Variants in RNF212 observed in about 807,000 individuals in gnomAD.
The protein encoded by RNF212 is probable E3 SUMO-protein ligase RNF212.
A neutral mutation model predicts 34.7 loss-of-function variants in RNF212; 33 were observed. The ratio of observed to expected loss-of-function variants is 0.95; its 90% CI spans 0.72 to 1.27. The LOEUF is 1.27. Ranked by LOEUF, RNF212 falls within the 50% of genes most tolerant of loss-of-function variation. The pLI is 0.00. For missense variants in RNF212, 377 were observed against 362.2 expected, an observed-to-expected ratio of 1.04 and a Z score of -0.33; for synonymous variants, 140 against 136.1, an observed-to-expected ratio of 1.03 and a Z score of -0.20.
intron 3 of RNF212, among the ~76,000 whole-genome samples, chr4:1,092,831 G>A (rs925117906): frequency 5.3e-5 from 8 of 152,246 alleles, no homozygotes; most frequent in Non-Finnish European, 8.8e-5. Context: ...GCAGTCGGGG[G>A]AGAATGCAGG....
chr4:1,081,753 G>A, intron 5 of RNF212, 134 bp from the exon 6 acceptor site: 4 of 669,292 alleles, frequency 6.0e-6, no homozygotes, highest in Non-Finnish European at 1.1e-5. Context: ...CATTTCACAT[G>A]AATTCAGCAG....
chr4:1,061,100 C>T (rs1257287855), intron 3 of RNF212, among the ~76,000 whole-genome samples: 10 of 152,200 alleles, frequency 6.6e-5, no homozygotes, highest in Admixed American at 5.9e-4. Context: ...CCTGAAATCC[C>T]GTTGCAGCTT....
intron 2 of RNF212, among the ~76,000 whole-genome samples, chr4:1,099,023 C>T (rs539345102): frequency 1.5e-4 from 23 of 152,214 alleles, no homozygotes; most frequent in African/African-American, 5.5e-4. Context: ...CCAGGATGTC[C>T]AGAAGATGAG....
chr4:1,098,183 G>A (rs547769184), intron 2 of RNF212, among the ~76,000 whole-genome samples: 3 of 142,830 alleles, frequency 2.1e-5, no homozygotes, highest in East Asian at 1.9e-4. Flanking sequence ...GACAGTGAGC[G>A]CATAGAGTCA....
In RNF212 at chr4:1,073,159, T is replaced by C. The variant is rs1383979102; in HGVS notation, c.609A>G (p.Pro203=). The part of the protein sequence containing the change: ...PHLTASFCFI[P]WLTLSKPPVP... ...CAGGGGGCTTAGACAAGGTCAACCATGGGATGAAACAGAAAGAAGCTGTTA... is the reference window on the plus strand; with the variant it reads ...CAGGGGGCTTAGACAAGGTCAACCACGGGATGAAACAGAAAGAAGCTGTTA... The change falls in exon 10 of 10, where the codon CCA becomes CCG. Residue 203 remains proline (P), a synonymous_variant. Coordinates refer to ENST00000433731, the MANE Select transcript of RNF212 (RefSeq NM_001131034.4). 1.9e-6 allele frequency: 3 copies of C among 1,613,832 alleles called. No homozygotes were observed. Among genetic ancestry groups the C allele is most frequent in the Non-Finnish European group, 2.5e-6 (3 of 1,179,960 alleles).
At chr4:1,081,189 C>T (rs1720279905) in intron 7 of RNF212, among the ~76,000 whole-genome samples, 1 of 152,260 alleles carries the variant, frequency 6.6e-6, no homozygotes, top group Admixed American at 6.5e-5. Flanking sequence ...AAACCAATCA[C>T]TGTCGCTGCA....
rs771206713 is a variant in RNF212, at chr4:1,113,458, T to A, written c.7A>T (p.Asn3Tyr). The A allele has an allele frequency of 6.2e-7, 1 of 1,606,192 alleles. No individual in the cohort carries two copies. Among genetic ancestry groups the A allele is most frequent in the South Asian group, 1.1e-5 (1 of 90,078 alleles). MA[N>Y]WVFCNRCFQP... ...AAGCAGCGATTACAGAACACCCAGT[T>A]GGCCATGCCAGGCGGGCGACCGCAG... Residue 3 changes from asparagine (N) to tyrosine (Y), a missense_variant, in exon 1 of 10, where the codon AAC becomes TAC. Transcript: ENST00000433731.
Position 1,079,030 on chromosome 4 carries a change from CATGGGACCAACAT to C in RNF212, c.510+600_510+612del, listed in dbSNP as rs554124880. Among the ~76,000 whole-genome samples the C allele has an allele frequency of 5.2e-4, 78 of 150,736 alleles. 2 individuals are homozygous for C. In the South Asian group the frequency reaches 0.015, roughly 29 times the overall value. ...CAACACAGGGTCAACACAGGACCAA[CATGGGACCAACAT>C]AGAGTCAACACAGGACCAACATGGG... On this transcript the variant is annotated intron_variant, in intron 8 of 9. Coordinates refer to ENST00000433731, the MANE Select transcript of RNF212 (RefSeq NM_001131034.4).
chr4:1,080,697 A>G (rs922554507), intron 7 of RNF212, among the ~76,000 whole-genome samples: 4 of 152,172 alleles, frequency 2.6e-5, no homozygotes, highest in Non-Finnish European at 4.4e-5. Flanking sequence ...TCTCTGCCTG[A>G]GCCTTCTTTC....
At chr4:1,111,477 G>C (rs2153068482) in intron 1 of RNF212, among the ~76,000 whole-genome samples, 1 of 152,180 alleles carries the variant, frequency 6.6e-6, no homozygotes, top group South Asian at 2.1e-4. Flanking sequence ...CACCCTGCTG[G>C]GTTCCCTCCC....
Position 1,096,795 on chromosome 4 carries a change from C to T in RNF212, c.216G>A (p.Leu72=). The T allele has an allele frequency of 6.2e-7, 1 of 1,613,944 alleles. No individual in the cohort carries two copies. The highest frequency in any genetic ancestry group is 1.1e-5 in the South Asian group (1 of 91,080). Residue 72 remains leucine (L), a synonymous_variant, in exon 3 of 10, where the codon CTG becomes CTA. Coordinates refer to ENST00000433731, the MANE Select transcript of RNF212 (RefSeq NM_001131034.4). The part of the protein sequence containing the change: ...IQAFFMSIDS[L]CKKYSRETSQ... ...AGGTTTCCCTGGAGTACTTCTTACA[C>T]AGACTGTCTATGCTCATGAAGAATG...
intron 3 of RNF212, among the ~76,000 whole-genome samples, chr4:1,062,539 C>T (rs1438521692): frequency 6.6e-6 from 1 of 152,148 alleles, no homozygotes; most frequent in Non-Finnish European, 1.5e-5. Context: ...CAGTGAACAC[C>T]ATCCTTCATG....
At chr4:1,095,512 T>C (rs1255985578) in intron 3 of RNF212, among the ~76,000 whole-genome samples, 5 of 64,614 alleles carry the variant, frequency 7.7e-5, no homozygotes, top group African/African-American at 1.5e-4. Context: ...CAAGCACAAC[T>C]CCCACAGCTC....
At chr4:1,078,738 G>A (rs576893634) in intron 8 of RNF212, among the ~76,000 whole-genome samples, 17 of 152,130 alleles carry the variant, frequency 1.1e-4, no homozygotes, top group Non-Finnish European at 2.5e-4. Context: ...ACCAGCAGAG[G>A]ATCAACGCAG....
At chr4:1,101,294 A>C (rs981761950) in intron 2 of RNF212, 2 of 331,332 alleles carry the variant, frequency 6.0e-6, no homozygotes, top group Non-Finnish European at 1.2e-5. Flanking sequence ...ATTTTCCATA[A>C]TTGTATTGTT....
intron 8 of RNF212, among the ~76,000 whole-genome samples, chr4:1,074,752 C>G (rs1001149494): frequency 1.3e-5 from 2 of 152,274 alleles, no homozygotes; most frequent in Middle Eastern, 3.4e-3. Context: ...ACTCCTACCC[C>G]CAAGAAGACA....
intron 5 of RNF212, among the ~76,000 whole-genome samples, chr4:1,084,563 CCA>C (rs1239556896): frequency 1.3e-5 from 2 of 151,538 alleles, no homozygotes; most frequent in African/African-American, 4.9e-5. Context: ...GACCCCATCT[CCA>C]CACAAAATAA....
In RNF212 at chr4:1,093,949, C is replaced by A. The variant is rs1484083552; in HGVS notation, c.246+2816G>T. ...GGCTTCCATGGGTCGAGCCTCTGGG[C>A]ACCTCCTTGGAGGATGTGGCTGGGC... On this transcript the variant is annotated intron_variant, in intron 3 of 9. Coordinates refer to ENST00000433731, the MANE Select transcript of RNF212 (RefSeq NM_001131034.4). 6.5e-6 allele frequency: 10 copies of A among 1,536,154 alleles called. No homozygotes were observed. The South Asian group carries it at 8.3e-5, about 13-fold the overall frequency.
chr4:1,092,406 C>T (rs1179724043), intron 3 of RNF212, among the ~76,000 whole-genome samples: 1 of 152,122 alleles, frequency 6.6e-6, no homozygotes, highest in Non-Finnish European at 1.5e-5. Flanking sequence ...GGGGGGCAGC[C>T]AAGACCCACT....
Sources: gnomAD v4.1 joint callset for allele counts (sites outside exome capture counted in the v4.1 genomes callset) on GRCh38, gnomAD v4.1.1 for gene constraint, MANE v1.5 for transcripts, NCBI Gene and HGNC (gene_info 2026-07-23, HGNC 2026-07-21) for gene names.